Variants in MELTF observed in about 807,000 individuals in gnomAD.
The protein encoded by MELTF is antigen p97 (melanoma associated) identified by monoclonal antibodies 133.2 and 96.5.
A neutral mutation model predicts 83.7 loss-of-function variants in MELTF; 67 were observed. The ratio of observed to expected loss-of-function variants is 0.80; its 90% CI spans 0.66 to 0.98. MELTF has a LOEUF of 0.98. Among genes scored for constraint, MELTF ranks in the 50% least tolerant of loss-of-function variants. MELTF has a pLI of 0.00. For synonymous variants in MELTF, 462 were observed against 447.6 expected, an observed-to-expected ratio of 1.03 and a Z score of -0.41; for missense variants, 1,002 against 1,035.6, an observed-to-expected ratio of 0.97 and a Z score of 0.44.
chr3:197,017,701 C>T (rs918615283), intron 6 of MELTF, among the ~76,000 whole-genome samples: 16 of 152,000 alleles, frequency 1.1e-4, no homozygotes, highest in African/African-American at 3.6e-4. Context: ...CACGGTGAAA[C>T]CCCATCTCTA....
chr3:197,002,013 C>T lies in MELTF; in HGVS notation c.*1359G>A, dbSNP rs940610453. On this transcript the variant is annotated 3_prime_UTR_variant, in exon 16 of 16. Transcript: ENST00000296350. ...AGGTCGGAGGAGAATCACTAGCCCCCCACAGCGAGAGGGGACAAAGCTTGG... is the reference window on the plus strand; with the variant it reads ...AGGTCGGAGGAGAATCACTAGCCCCTCACAGCGAGAGGGGACAAAGCTTGG... The T allele has an allele frequency of 1.3e-5, 2 of 152,286 alleles. No homozygotes were observed. The highest frequency in any genetic ancestry group is 1.5e-5 in the Non-Finnish European group (1 of 68,070). The allele number at this position is 152,286 out of a possible 1,614,324, so 9.4% of individuals were successfully genotyped here.
At chr3:197,021,325 C>A in intron 6 of MELTF, 79 bp downstream of exon 6, 1 of 1,410,438 alleles carries the variant, frequency 7.1e-7, no homozygotes. Context: ...GATCCCAACT[C>A]TGCCATCTAG....
chr3:197,021,351 C>G, intron 6 of MELTF, 53 bp downstream of exon 6: 5 of 1,585,784 alleles, frequency 3.2e-6, no homozygotes, highest in Non-Finnish European at 4.3e-6. Context: ...CTGCCCCAAG[C>G]CGGCCTGGCC....
At chr3:197,004,521 C>T (rs1718907576) in intron 14 of MELTF, 1 of 215,756 alleles carries the variant, frequency 4.6e-6, no homozygotes, top group Non-Finnish European at 9.4e-6. Context: ...TAAACAATTT[C>T]GAGAGGGACT....
chr3:197,020,045 A>G (rs982518021), intron 6 of MELTF, among the ~76,000 whole-genome samples: 3 of 152,204 alleles, frequency 2.0e-5, no homozygotes, highest in African/African-American at 7.2e-5. Flanking sequence ...AAACTCATAG[A>G]ACTATCCTTC....
At chr3:197,028,159 A>G (rs1447298738) in intron 1 of MELTF, 3 of 485,160 alleles carry the variant, frequency 6.2e-6, no homozygotes, top group Admixed American at 3.2e-5. Context: ...CCGGCCCTTT[A>G]TGGAGGAATG....
chr3:197,019,843 A>G (rs1399847438), intron 6 of MELTF: 4 of 1,528,228 alleles, frequency 2.6e-6, no homozygotes, highest in Non-Finnish European at 2.7e-6. Context: ...AAGAATGACA[A>G]TGATTTAAAA....
Position 197,008,148 on chromosome 3 carries a change from C to T in MELTF, c.1750+509G>A, listed in dbSNP as rs1333994134. Among the ~76,000 whole-genome samples, 1 of 152,130 alleles carries T rather than the reference C, an allele frequency of 6.6e-6. No homozygotes were observed. Among genetic ancestry groups the T allele is most frequent in the African/African-American group, 2.4e-5 (1 of 41,424 alleles). On this transcript the variant is annotated intron_variant, in intron 13 of 15. Coordinates refer to ENST00000296350, the MANE Select transcript of MELTF (RefSeq NM_005929.6). This position sits in a 1 kb window ranked among gnomAD's most constrained non-coding sequence, Gnocchi z 5.4. ...GCGTTCCTGAGCTCTTTGTCCCAGG[C>T]GGAGCCCAGGAAGGTGACTCCAGGA...
At chr3:197,023,515 G>C (rs1041093173) in intron 4 of MELTF, among the ~76,000 whole-genome samples, 3 of 152,218 alleles carry the variant, frequency 2.0e-5, no homozygotes, top group Admixed American at 6.5e-5. Context: ...TCACGGCACA[G>C]GGAGGGAGGC....
At chr3:197,028,521 GC>G (rs1316581327) in intron 1 of MELTF, 1 of 153,090 alleles carries the variant, frequency 6.5e-6, no homozygotes, top group East Asian at 1.9e-4. Flanking sequence ...GTAGGTTCAA[GC>G]CTCTCTGAGC....
intron 10 of MELTF, 40 bp downstream of exon 10, chr3:197,010,658 C>T: frequency 1.3e-6 from 2 of 1,531,776 alleles, no homozygotes; most frequent in African/African-American, 1.4e-5. Flanking sequence ...AAAATATCCC[C>T]ACCTCCCGGC....
rs753300965 is a variant in MELTF, at chr3:197,027,757, G to T, written c.203C>A (p.Ala68Glu). ...CAGGGTGGAAGGGAGAGGACTCACC[G>T]CGATGAGCTGGACGCAGTGGTCGGC... Reference protein sequence around the residue: ...TSADHCVQLIAAQEADAITLD... With the variant: ...TSADHCVQLIEAQEADAITLD... The change falls in exon 2 of 16, where the codon GCG becomes GAG. Residue 68 changes from alanine to glutamate, a missense_variant and splice_region_variant. Coordinates refer to ENST00000296350, the MANE Select transcript of MELTF (RefSeq NM_005929.6). 1 of 1,605,970 alleles carries T rather than the reference G, an allele frequency of 6.2e-7. No individual in the cohort carries two copies. Among genetic ancestry groups the T allele is most frequent in the Non-Finnish European group, 8.5e-7 (1 of 1,175,486 alleles).
chr3:197,017,665 CAGG>C (rs1223943553), intron 6 of MELTF, among the ~76,000 whole-genome samples: 7 of 152,148 alleles, frequency 4.6e-5, no homozygotes, highest in South Asian at 4.1e-4. Context: ...ATCACGAGGT[CAGG>C]AGATCAAGAC....
intron 9 of MELTF, among the ~76,000 whole-genome samples, chr3:197,013,566 G>A (rs1030750438): frequency 1.3e-5 from 2 of 152,190 alleles, no homozygotes; most frequent in Non-Finnish European, 2.9e-5. Flanking sequence ...AGAAAACAAC[G>A]AACAGAGTGA....
At chr3:197,028,128 G>A in intron 1 of MELTF, 1 of 563,900 alleles carries the variant, frequency 1.8e-6, no homozygotes, top group Non-Finnish European at 3.1e-6. Context: ...ACGGCTGCTG[G>A]CAAATGGAAT....
intron 14 of MELTF, among the ~76,000 whole-genome samples, chr3:197,005,922 C>T (rs551543568): frequency 8.3e-6 from 1 of 120,200 alleles, no homozygotes; most frequent in East Asian, 2.3e-4. Context: ...AGTTTTGCTT[C>T]GAAAGGGAGC....
At chr3:197,028,318 C>A (rs768043873) in intron 1 of MELTF, 1 of 170,750 alleles carries the variant, frequency 5.9e-6, no homozygotes, top group Non-Finnish European at 1.3e-5. Context: ...CAGCAGTGTC[C>A]CTGGGCCTTC....
chr3:197,029,613 G>T lies in MELTF; in HGVS notation c.49+41C>A. The T allele has an allele frequency of 8.1e-7, 1 of 1,237,664 alleles. No individual in the cohort carries two copies. Among genetic ancestry groups the T allele is most frequent in the Non-Finnish European group, 1.0e-6 (1 of 990,302 alleles). The allele number at this position is 1,237,664 out of a possible 1,614,324, so 76.7% of individuals were successfully genotyped here. A position where few individuals can be genotyped will look rare whatever the true frequency, so the allele number is the denominator to read the frequency against. ...CTGCTCAGCCGGGCCGCGGCGCCCC[G>T]GGACCCCCGCCCGCCTTTGGCTCTC... On this transcript the variant is annotated intron_variant, in intron 1 of 15. Coordinates refer to ENST00000296350, the MANE Select transcript of MELTF (RefSeq NM_005929.6). The surrounding 1 kb of genome is among the most constrained non-coding windows in gnomAD (Gnocchi z 6.5).
Position 197,027,748 on chromosome 3 carries a change from G to A in MELTF, c.204+8C>T, listed in dbSNP as rs1719915774. On this transcript the variant is annotated splice_region_variant and intron_variant, in intron 2 of 15. Transcript: ENST00000296350. ...CTTGTCTGGCAGGGTGGAAGGGAGA[G>A]GACTCACCGCGATGAGCTGGACGCA... The A allele has an allele frequency of 6.2e-7, 1 of 1,602,838 alleles. No homozygotes were observed. Among genetic ancestry groups the A allele is most frequent in the African/African-American group, 1.3e-5 (1 of 74,714 alleles).
Sources: allele counts gnomAD v4.1 joint callset (sites outside exome capture counted in the v4.1 genomes callset), GRCh38; gene constraint gnomAD v4.1.1; non-coding constraint Gnocchi (gnomAD v3.1); transcripts MANE v1.5; gene names NCBI Gene and HGNC (gene_info 2026-07-23, HGNC 2026-07-21).